Variants in CD55 observed in about 807,000 individuals in gnomAD.
The protein encoded by CD55 is CD55 molecule (Cromer blood group).
A neutral mutation model predicts 45.8 loss-of-function variants in CD55; 41 were observed. The ratio of observed to expected loss-of-function variants is 0.90; its 90% confidence interval spans 0.70 to 1.16. CD55 has a LOEUF of 1.16. Ranked by LOEUF, CD55 falls within the 50% of genes most tolerant of loss-of-function variation. The pLI is 0.00. For synonymous variants in CD55, 181 were observed against 181.1 expected, an observed-to-expected ratio of 1.00 and a Z score of 0.01; for missense variants, 416 against 469.8, an observed-to-expected ratio of 0.89 and a Z score of 1.06.
intron 6 of CD55, 69 bp downstream of exon 6, chr1:207,331,365 T>C: frequency 1.7e-6 from 2 of 1,183,210 alleles, no homozygotes; most frequent in Non-Finnish European, 1.2e-6. Flanking sequence ...GTTGCAGACA[T>C]TCAATGAACC....
At chr1:207,342,490 T>C (rs1025706936) in intron 9 of CD55, among the ~76,000 whole-genome samples, 2 of 152,102 alleles carry the variant, frequency 1.3e-5, no homozygotes, top group African/African-American at 4.8e-5. Context: ...CCTAGTTTGT[T>C]GAGAGTTTTA....
intron 9 of CD55, among the ~76,000 whole-genome samples, chr1:207,348,945 C>G (rs1655756257): frequency 6.6e-6 from 1 of 152,104 alleles, no homozygotes; most frequent in Non-Finnish European, 1.5e-5. Context: ...GTACCAGTAC[C>G]ATGCTGTTTT....
At chr1:207,340,911 A>G (rs1655399317) in intron 9 of CD55, 1 of 294,970 alleles carries the variant, frequency 3.4e-6, no homozygotes. Flanking sequence ...CATTCTCACC[A>G]ACAGTATATA....
At chr1:207,346,178 T>G (rs1588143) in intron 9 of CD55, among the ~76,000 whole-genome samples, 104,438 of 152,136 alleles carry the variant, frequency 0.69, 36,322 homozygotes, top group Middle Eastern at 0.83. Context: ...TGTGCCAGTG[T>G]TGGCTGTGGG....
intron 9 of CD55, among the ~76,000 whole-genome samples, chr1:207,344,572 TA>T (rs1321010568): frequency 6.6e-6 from 1 of 152,212 alleles, no homozygotes; most frequent in Non-Finnish European, 1.5e-5. Flanking sequence ...TCCTGGCCTG[TA>T]AGGTTTCTGC....
rs1483123477 is a variant in CD55 at position 207,328,871 on chromosome 1, GC to G, written c.664+2037del. On this transcript the variant is annotated intron_variant, in intron 5 of 9. Coordinates refer to ENST00000367064, the MANE Select transcript of CD55 (RefSeq NM_000574.5). ...TAGGGCCACCCCTAACATTTTCAGG[GC>G]CCAGGCAAGAATATAAATGGAGGTC... Among the ~76,000 whole-genome samples, 3 of 152,080 alleles carry G rather than the reference GC, an allele frequency of 2.0e-5. No individual in the cohort carries two copies. The East Asian group carries it at 5.8e-4, about 29-fold the overall frequency.
In CD55 at chr1:207,337,379, A is replaced by G; in HGVS notation, c.1030A>G (p.Thr344Ala). ...SRTTKHFHET[T>A]PNKGSGTTSG... ...GACAACCAAGCATTTTCATGAAACA[A>G]CCCCAAATAAAGGAAGTGGAACCAC... is the stretch of plus-strand genomic sequence containing the variant. Residue 344 changes from threonine to alanine, a missense_variant, in exon 8 of 10, where the codon ACC (threonine) becomes GCC (alanine). Coordinates refer to ENST00000367064, the MANE Select transcript of CD55 (RefSeq NM_000574.5). The G allele has an allele frequency of 6.2e-7, 1 of 1,610,710 alleles. No homozygotes were observed. Among genetic ancestry groups the G allele is most frequent in the Non-Finnish European group, 8.5e-7 (1 of 1,176,920 alleles).
At chr1:207,329,093 C>G (rs1380691063) in intron 5 of CD55, among the ~76,000 whole-genome samples, 4 of 152,222 alleles carry the variant, frequency 2.6e-5, no homozygotes, top group Admixed American at 2.0e-4. Context: ...CCCTCAAGAA[C>G]ATGGACCAGT....
chr1:207,352,593 ATCTC>A (rs1655910537), intron 9 of CD55, among the ~76,000 whole-genome samples: 1 of 152,034 alleles, frequency 6.6e-6, no homozygotes, highest in Non-Finnish European at 1.5e-5. Flanking sequence ...GATTAACTTA[ATCTC>A]TCTGAGACTC....
At chr1:207,327,520 G>A (rs952723987) in intron 5 of CD55, among the ~76,000 whole-genome samples, 2 of 152,166 alleles carry the variant, frequency 1.3e-5, no homozygotes, top group African/African-American at 4.8e-5. Flanking sequence ...AGAGACACAT[G>A]TCTCTTGGAA....
intron 6 of CD55, among the ~76,000 whole-genome samples, chr1:207,335,316 T>A (rs1288342875): frequency 6.6e-6 from 1 of 152,148 alleles, no homozygotes; most frequent in Non-Finnish European, 1.5e-5. Flanking sequence ...CGATGACAGG[T>A]ATGTTTTTTC....
At chr1:207,353,278 C>G (rs566635728) in intron 9 of CD55, among the ~76,000 whole-genome samples, 3 of 152,002 alleles carry the variant, frequency 2.0e-5, no homozygotes, top group Admixed American at 6.6e-5. Flanking sequence ...CTTTATTCCC[C>G]TCTGTTGCCA....
intron 5 of CD55, among the ~76,000 whole-genome samples, chr1:207,329,493 A>G (rs982009266): frequency 2.6e-5 from 4 of 152,028 alleles, no homozygotes; most frequent in African/African-American, 9.7e-5. Flanking sequence ...AAAAAGCCCA[A>G]ATTCCTTAGT....
In CD55 at chr1:207,324,547, TA is replaced by T. The variant is rs745402949; in HGVS notation, c.287-10del. 1.3e-6 allele frequency: 2 copies of T among 1,522,930 alleles called. No individual in the cohort carries two copies. The highest frequency in any genetic ancestry group is 2.6e-5 in the South Asian group (2 of 75,766). The allele number at this position is 1,522,930 out of a possible 1,614,324, so 94.3% of individuals were successfully genotyped here. A position where few individuals can be genotyped will look rare whatever the true frequency, so the allele number is the denominator to read the frequency against. ...CTACATTTTTTGTTGCTGCTTTTGT[TA>T]ATACTTTTAGGTAGCTGCGAGGTGC... On this transcript the variant is annotated splice_polypyrimidine_tract_variant and intron_variant, in intron 2 of 9. Transcript: ENST00000367064.
chr1:207,344,308 T>A (rs945472470), intron 9 of CD55, among the ~76,000 whole-genome samples: 1 of 152,234 alleles, frequency 6.6e-6, no homozygotes, highest in Non-Finnish European at 1.5e-5. Flanking sequence ...GTGTTTGCTC[T>A]ACCAGTGGTT....
chr1:207,352,675 TG>T (rs1655915218), intron 9 of CD55, among the ~76,000 whole-genome samples: 1 of 152,168 alleles, frequency 6.6e-6, no homozygotes, highest in Non-Finnish European at 1.5e-5. Context: ...ATGTGATTAG[TG>T]GGTATGAAAA....
chr1:207,339,499 C>A, intron 9 of CD55, 82 bp downstream of exon 9: 1 of 1,084,974 alleles, frequency 9.2e-7, no homozygotes, highest in Non-Finnish European at 1.3e-6. Context: ...ATAATATTGT[C>A]TTCTTGTTTT....
intron 6 of CD55, among the ~76,000 whole-genome samples, chr1:207,335,783 T>C (rs1558149100): frequency 6.6e-6 from 1 of 152,160 alleles, no homozygotes; most frequent in Admixed American, 6.6e-5. Context: ...GTGATGGGGC[T>C]GGCAACAGTC....
At chr1:207,352,293 C>A (rs1451038847) in intron 9 of CD55, among the ~76,000 whole-genome samples, 1 of 151,560 alleles carries the variant, frequency 6.6e-6, no homozygotes, top group South Asian at 2.1e-4. Context: ...TCACCAAAGA[C>A]CTTTTTAGAC....
Sources: gnomAD v4.1 joint callset for allele counts (sites outside exome capture counted in the v4.1 genomes callset) on GRCh38, gnomAD v4.1.1 for gene constraint, MANE v1.5 for transcripts, NCBI Gene and HGNC (gene_info 2026-07-23, HGNC 2026-07-21) for gene names.